TMEM132D: variants seen among roughly 807,000 people sequenced by gnomAD.
TMEM132D encodes the protein transmembrane protein 132D.
A neutral mutation model predicts 62.3 loss-of-function variants in TMEM132D; 21 were observed. The ratio of observed to expected loss-of-function variants is 0.34; its 90% CI spans 0.24 to 0.49. The LOEUF is 0.49. Among genes scored for constraint, TMEM132D ranks in the 20% least tolerant of loss-of-function variants. TMEM132D has a pLI of 0.99. For synonymous variants in TMEM132D, 621 were observed against 575.6 expected (o/e 1.08, Z -1.13); for missense variants, 1,346 against 1,402.8 (o/e 0.96, Z 0.65).
chr12:129,181,386 T>C lies in TMEM132D; in HGVS notation c.1443+28134A>G, dbSNP rs945979523. ...CCAGACAATTGCAATCACATCCAAATTGATCTCCCTGCCTCTGGTTTCACC... is the reference window on the plus strand; with the variant it reads ...CCAGACAATTGCAATCACATCCAAACTGATCTCCCTGCCTCTGGTTTCACC... On this transcript the variant is annotated intron_variant, in intron 5 of 8. Transcript: ENST00000422113. Among the ~76,000 whole-genome samples, 13 of 152,192 alleles carry C rather than the reference T, an allele frequency of 8.5e-5. No homozygotes were observed. The East Asian group carries it at 2.1e-3, about 25-fold the overall frequency.
chr12:129,442,696 G>A (rs1419790340), intron 3 of TMEM132D, among the ~76,000 whole-genome samples: 2 of 152,124 alleles, frequency 1.3e-5, no homozygotes, highest in African/African-American at 4.8e-5. Context: ...TTTATCTGAT[G>A]AATAATACTG....
chr12:129,578,462 ATAT>A (rs763626112), intron 2 of TMEM132D, among the ~76,000 whole-genome samples: 3 of 150,344 alleles, frequency 2.0e-5, no homozygotes, highest in South Asian at 4.2e-4. Flanking sequence ...ATGACTAATA[ATAT>A]TATATATAGG....
intron 8 of TMEM132D, among the ~76,000 whole-genome samples, chr12:129,075,674 C>G (rs925581270): frequency 6.6e-6 from 1 of 152,170 alleles, no homozygotes; most frequent in Non-Finnish European, 1.5e-5. Flanking sequence ...TTAAGCCTGA[C>G]AGCAGGAGAG....
rs150021016 is a variant in TMEM132D, at chr12:129,146,414, T to C, written c.1444-61712A>G. On this transcript the variant is annotated intron_variant, in intron 5 of 8. Transcript: ENST00000422113. ...GAGCTTCCCTACTGGTTTTCTGGTA[T>C]GTAATTTCAATTGTCAGATCCATTT... is the stretch of plus-strand genomic sequence containing the variant. Among the ~76,000 whole-genome samples the C allele has an allele frequency of 1.2e-3, 183 of 152,350 alleles. 1 individual carries two copies. The highest frequency in any genetic ancestry group is 4.1e-3 in the African/African-American group (171 of 41,588).
At chr12:129,714,047 C>G (rs1426623634) in intron 1 of TMEM132D, among the ~76,000 whole-genome samples, 3 of 152,188 alleles carry the variant, frequency 2.0e-5, no homozygotes, top group Non-Finnish European at 4.4e-5. Flanking sequence ...ACTGTGGCAT[C>G]CTGCCCTTGC....
chr12:129,084,428 T>C lies in TMEM132D; in HGVS notation c.1649+69A>G. On this transcript the variant is annotated intron_variant, in intron 6 of 8. Coordinates refer to ENST00000422113, the MANE Select transcript of TMEM132D (RefSeq NM_133448.3). ...GTACCACATGCATCCTCAGACCCAG[T>C]CATGCCCAAATTTACCACCCCGTAC... 6 of 1,459,330 alleles carry C rather than the reference T, an allele frequency of 4.1e-6. No homozygotes were observed. In the South Asian group the frequency reaches 8.5e-5, roughly 21 times the overall value. 90.4% of individuals were successfully genotyped at this position (1,459,330 alleles called of 1,614,324 possible). A position where few individuals can be genotyped will look rare whatever the true frequency, so the allele number is the denominator to read the frequency against.
chr12:129,716,396 C>T (rs184849801), intron 1 of TMEM132D, among the ~76,000 whole-genome samples: 4 of 152,264 alleles, frequency 2.6e-5, no homozygotes, highest in Admixed American at 6.5e-5. Context: ...CAAGAGAACA[C>T]GTGGGAACGC....
chr12:129,700,978 C>T (rs1881372743), intron 1 of TMEM132D, among the ~76,000 whole-genome samples: 1 of 152,116 alleles, frequency 6.6e-6, no homozygotes, highest in African/African-American at 2.4e-5. Context: ...AATTTCCACT[C>T]GTGATAATGG....
chr12:129,544,068 T>A (rs977851639), intron 2 of TMEM132D, among the ~76,000 whole-genome samples: 1 of 152,224 alleles, frequency 6.6e-6, no homozygotes. Context: ...GAAATTGACA[T>A]TCAGAAAGAT....
At chr12:129,075,094 C>A (rs2135605925) in intron 8 of TMEM132D, 35 bp from the exon 9 acceptor site, 2 of 1,555,392 alleles carry the variant, frequency 1.3e-6, no homozygotes, top group Non-Finnish European at 8.7e-7. Context: ...ATCAAATGGG[C>A]CAAAAAGCTC....
chr12:129,785,133 G>A (rs1257251146), intron 1 of TMEM132D, among the ~76,000 whole-genome samples: 1 of 152,148 alleles, frequency 6.6e-6, no homozygotes, highest in Non-Finnish European at 1.5e-5. Context: ...TGGGCTCCTA[G>A]GGTGAAGACC....
chr12:129,764,670 G>A (rs1870496491), intron 1 of TMEM132D, among the ~76,000 whole-genome samples: 1 of 152,190 alleles, frequency 6.6e-6, no homozygotes, highest in Non-Finnish European at 1.5e-5. Context: ...CCTGGGCACA[G>A]TAGGTTATAC....
chr12:129,767,799 G>A (rs182758108), intron 1 of TMEM132D, among the ~76,000 whole-genome samples: 68 of 152,210 alleles, frequency 4.5e-4, no homozygotes, highest in African/African-American at 1.5e-3. Context: ...CTGTTTTCAC[G>A]CTGCTGATAA....
chr12:129,759,265 T>C (rs1268823538), intron 1 of TMEM132D, among the ~76,000 whole-genome samples: 1 of 152,200 alleles, frequency 6.6e-6, no homozygotes, highest in Admixed American at 6.5e-5. Flanking sequence ...CACCAAGCTC[T>C]GTTACTACAT....
chr12:129,457,333 T>C (rs1018618119), intron 3 of TMEM132D, among the ~76,000 whole-genome samples: 27 of 149,234 alleles, frequency 1.8e-4, no homozygotes, highest in Admixed American at 1.2e-3. Flanking sequence ...AGCAAACTAT[T>C]GCAAGGACAA....
At chr12:129,619,838 T>C (rs1313246765) in intron 2 of TMEM132D, among the ~76,000 whole-genome samples, 2 of 152,162 alleles carry the variant, frequency 1.3e-5, no homozygotes, top group African/African-American at 4.8e-5. Flanking sequence ...TCATCAGAAA[T>C]AGTTTAAAAG....
At chr12:129,133,077 A>T (rs1876426334) in intron 5 of TMEM132D, among the ~76,000 whole-genome samples, 1 of 152,194 alleles carries the variant, frequency 6.6e-6, no homozygotes, top group Admixed American at 6.5e-5. Context: ...TTCCTGAGAC[A>T]TCCTCAGGCT....
rs536757890 is a variant in TMEM132D at position 129,371,584 on chromosome 12, T to G, written c.1116-33767A>C. 6.6e-5 allele frequency among the ~76,000 whole-genome samples: 10 copies of G among 151,532 alleles called. No homozygotes were observed. Among genetic ancestry groups the G allele is most frequent in the African/African-American group, 2.2e-4 (9 of 41,288 alleles). On this transcript the variant is annotated intron_variant, in intron 3 of 8. Coordinates refer to ENST00000422113, the MANE Select transcript of TMEM132D (RefSeq NM_133448.3). This position sits in a 1 kb window ranked among gnomAD's most constrained non-coding sequence, Gnocchi z 4.3. ...GATGATGGTGACAATGATGTGATGATAGTAACAATGATCATGGCAGATTGT... is the reference window on the plus strand; with the variant it reads ...GATGATGGTGACAATGATGTGATGAGAGTAACAATGATCATGGCAGATTGT...
intron 2 of TMEM132D, among the ~76,000 whole-genome samples, chr12:129,561,946 A>G (rs997016083): frequency 1.8e-4 from 27 of 152,208 alleles, no homozygotes; most frequent in Non-Finnish European, 1.5e-4. Flanking sequence ...GAAGGTGAAA[A>G]GTTTCTGTGC....
Sources: gnomAD v4.1 joint callset for allele counts (sites outside exome capture counted in the v4.1 genomes callset) on GRCh38, gnomAD v4.1.1 for gene constraint, Gnocchi (gnomAD v3.1) non-coding constraint, MANE v1.5 for transcripts, NCBI Gene and HGNC (gene_info 2026-07-23, HGNC 2026-07-21) for gene names.